The following SNTA1 variants were observed in gnomAD, a reference collection of about 807,000 sequenced individuals.
SNTA1 encodes syntrophin alpha 1.
In SNTA1, 31 loss-of-function variants were observed where a neutral mutation model predicts 47.1. That is an observed-to-expected ratio of 0.66 (90% confidence interval 0.49 to 0.89). SNTA1 has a LOEUF of 0.89. SNTA1 is among the 40% of genes least tolerant of loss of function. SNTA1 has a pLI of 0.00. For missense variants in SNTA1, 575 were observed against 693.0 expected (o/e 0.83, Z 1.91); for synonymous variants, 300 against 313.6 (o/e 0.96, Z 0.46).
chr20:33,416,858 T>C (rs1989887965), intron 3 of SNTA1, among the ~76,000 whole-genome samples: 1 of 151,190 alleles, frequency 6.6e-6, no homozygotes, highest in Admixed American at 6.6e-5. Context: ...GGAGAATTGC[T>C]TGAACCTGGA....
Position 33,417,721 on chromosome 20 carries a change from G to A in SNTA1, c.699C>T (p.Pro233=), listed in dbSNP as rs929300152. 1.9e-6 allele frequency: 3 copies of A among 1,612,964 alleles called. No homozygotes were observed. The highest frequency in any genetic ancestry group is 1.3e-5 in the African/African-American group (1 of 74,878). Residue 233 remains proline (P), a splice_region_variant and synonymous_variant, in exon 3 of 8, where the codon CCC becomes CCT. Coordinates refer to ENST00000217381, the MANE Select transcript of SNTA1 (RefSeq NM_003098.3). ...GTTGCTCCCAACCCCAGCCTTACCT[G>A]GGCTCCGGGTCATTGGGGGTGCACC... ...SKRCTPNDPE[P]RYLEICSADG...
At chr20:33,428,408 C>CA (rs1017170244) in intron 2 of SNTA1, among the ~76,000 whole-genome samples, 45 of 151,086 alleles carry the variant, frequency 3.0e-4, no homozygotes, top group African/African-American at 1.0e-3. Flanking sequence ...GACACTGTCT[C>CA]AAAAAAATTA....
rs1189288690 is a variant in SNTA1 at position 33,440,194 on chromosome 20, G to A, written c.311-1168C>T. Among the ~76,000 whole-genome samples, 6 of 151,922 alleles carry A rather than the reference G, an allele frequency of 3.9e-5. No individual in the cohort carries two copies. In the East Asian group the frequency reaches 7.8e-4, roughly 20 times the overall value. On this transcript the variant is annotated intron_variant, in intron 1 of 7. Transcript: ENST00000217381. ...AATATGGCTGGGCGTGGTGGCTCAC[G>A]CCTGTAATCCCAGCACTTTGGGAGG...
At chr20:33,441,549 T>C (rs1035363882) in intron 1 of SNTA1, among the ~76,000 whole-genome samples, 1 of 152,154 alleles carries the variant, frequency 6.6e-6, no homozygotes, top group African/African-American at 2.4e-5. Flanking sequence ...TCTATTTATA[T>C]CTGCCCTCCC....
intron 6 of SNTA1, among the ~76,000 whole-genome samples, chr20:33,409,736 C>T (rs1989691568): frequency 6.6e-6 from 1 of 151,976 alleles, no homozygotes; most frequent in Non-Finnish European, 1.5e-5. Flanking sequence ...CAGATTCAAA[C>T]AATTCTGCCT....
intron 1 of SNTA1, among the ~76,000 whole-genome samples, chr20:33,442,769 G>C (rs898798045): frequency 3.3e-5 from 5 of 152,024 alleles, no homozygotes; most frequent in African/African-American, 1.2e-4. Flanking sequence ...CAGCTGTCAG[G>C]GCTCCCTGCA....
At chr20:33,421,756 G>A (rs1990027415) in intron 2 of SNTA1, among the ~76,000 whole-genome samples, 1 of 151,276 alleles carries the variant, frequency 6.6e-6, no homozygotes, top group African/African-American at 2.4e-5. Context: ...AGGAGTTCAA[G>A]ACCAGGTTGG....
At chr20:33,409,676 C>T (rs181816705) in intron 6 of SNTA1, among the ~76,000 whole-genome samples, 1 of 151,986 alleles carries the variant, frequency 6.6e-6, no homozygotes, top group Admixed American at 6.6e-5. Context: ...CTCTGTCGCC[C>T]AGGCTGGAGT....
At chr20:33,416,903 T>G (rs1989888993) in intron 3 of SNTA1, among the ~76,000 whole-genome samples, 1 of 141,542 alleles carries the variant, frequency 7.1e-6, no homozygotes, top group Non-Finnish European at 1.5e-5. Context: ...ATCATGCCAT[T>G]GCACTCCAAC....
intron 5 of SNTA1, among the ~76,000 whole-genome samples, chr20:33,411,338 C>T (rs1202014055): frequency 1.3e-5 from 2 of 152,034 alleles, no homozygotes; most frequent in South Asian, 2.1e-4. Flanking sequence ...CCCAGTCCCA[C>T]GCTCACCCAG....
At chr20:33,427,587 G>C (rs1259489173) in intron 2 of SNTA1, among the ~76,000 whole-genome samples, 2 of 152,108 alleles carry the variant, frequency 1.3e-5, no homozygotes, top group Non-Finnish European at 2.9e-5. Context: ...CCACACCCTT[G>C]AGTAGTACAG....
intron 2 of SNTA1, among the ~76,000 whole-genome samples, chr20:33,431,944 T>C (rs752857858): frequency 1.3e-5 from 2 of 152,182 alleles, no homozygotes; most frequent in African/African-American, 2.4e-5. Flanking sequence ...ACAAGACATT[T>C]TAATCAAGGT....
At chr20:33,411,378 G>A (rs888072301) in intron 5 of SNTA1, among the ~76,000 whole-genome samples, 27 of 143,598 alleles carry the variant, frequency 1.9e-4, no homozygotes, top group East Asian at 4.2e-4. Flanking sequence ...TGTTCATTCC[G>A]GACCCCTCCT....
chr20:33,412,534 G>A (rs2297650), intron 4 of SNTA1, 41 bp downstream of exon 4: 3 of 1,606,498 alleles, frequency 1.9e-6, no homozygotes, highest in Non-Finnish European at 2.6e-6. Flanking sequence ...CTCCAAAGGA[G>A]CGGAAGAGAG....
At chr20:33,413,281 C>A (rs1989791703) in intron 3 of SNTA1, among the ~76,000 whole-genome samples, 1 of 151,972 alleles carries the variant, frequency 6.6e-6, no homozygotes, top group African/African-American at 2.4e-5. Context: ...GCATGAGCCA[C>A]CATGCCTGGC....
chr20:33,443,256 G>C, intron 1 of SNTA1, 55 bp downstream of exon 1: 1 of 1,371,978 alleles, frequency 7.3e-7, no homozygotes, highest in Admixed American at 2.4e-5. Context: ...AGCCCCCTGC[G>C]CCCTCGGCTG....
At chr20:33,430,948 C>CAA (rs753168716) in intron 2 of SNTA1, among the ~76,000 whole-genome samples, 1 of 133,518 alleles carries the variant, frequency 7.5e-6, no homozygotes. Context: ...GACTCCGTCT[C>CAA]AAAAAAAAAA....
chr20:33,426,853 G>A (rs527808235), intron 2 of SNTA1, among the ~76,000 whole-genome samples: 1 of 151,984 alleles, frequency 6.6e-6, no homozygotes, highest in African/African-American at 2.4e-5. Flanking sequence ...CTTGAGCCCA[G>A]GAGTTTAAGA....
intron 2 of SNTA1, among the ~76,000 whole-genome samples, chr20:33,424,516 TA>T (rs1053698288): frequency 5.2e-4 from 74 of 141,458 alleles, no homozygotes; most frequent in East Asian, 6.3e-4. Context: ...TTGAAAAAAT[TA>T]AAAAAAAAAA....
Sources: allele counts gnomAD v4.1 joint callset (sites outside exome capture counted in the v4.1 genomes callset), GRCh38; gene constraint gnomAD v4.1.1; transcripts MANE v1.5; gene names NCBI Gene and HGNC (gene_info 2026-07-23, HGNC 2026-07-21).